Variants in MIA3 observed in about 807,000 individuals in gnomAD.
The protein encoded by MIA3 is MIA SH3 domain ER export factor 3.
In MIA3, 90 loss-of-function variants were observed where a neutral mutation model predicts 192.4. The observed-to-expected ratio is 0.47, with a 90% CI of 0.39 to 0.56. MIA3 has a LOEUF of 0.56. MIA3 is among the 20% of genes least tolerant of loss of function. The pLI is 0.00. For missense variants in MIA3, 2,123 were observed against 2,269.4 expected (o/e 0.94, Z 1.31); for synonymous variants, 740 against 792.8 (o/e 0.93, Z 1.12).
rs141793672 is a variant in MIA3, at chr1:222,653,022, C to T, written c.4101C>T (p.Ile1367=). 1.6e-4 allele frequency: 259 copies of T among 1,610,808 alleles called. No individual in the cohort carries two copies. In the African/African-American group the frequency reaches 2.8e-3, roughly 17 times the overall value. The part of the protein sequence containing the change: ...KKKKEQLQQE[I]EDWSKLHAEL... ...TAACTTTGCAGTTGCAGCAGGAAAT[C>T]GAAGACTGGAGTAAATTACATGCTG... The change falls in exon 14 of 28, where the codon ATC becomes ATT. Residue 1367 remains isoleucine, a synonymous_variant. Coordinates refer to ENST00000344922, the MANE Select transcript of MIA3 (RefSeq NM_198551.4).
intron 5 of MIA3, 34 bp downstream of exon 5, chr1:222,632,360 G>T (rs988011037): frequency 1.9e-6 from 3 of 1,583,824 alleles, no homozygotes. Context: ...ACAAAGTGGA[G>T]AAATCATAAA....
chr1:222,629,249 C>T lies in MIA3; in HGVS notation c.2029C>T (p.Leu677Phe), dbSNP rs201082582. 1.3e-5 allele frequency: 21 copies of T among 1,614,206 alleles called. No homozygotes were observed. Among genetic ancestry groups the T allele is most frequent in the Non-Finnish European group, 1.8e-5 (21 of 1,180,036 alleles). The change falls in exon 4 of 28, where the codon CTC (leucine) becomes TTC (phenylalanine). Residue 677 changes from leucine (L) to phenylalanine (F), a missense_variant. This residue lies in a region of MIA3 where 1,357 missense variants were observed against 1,396.1 expected (regional missense o/e 0.97). Transcript: ENST00000344922. ...ASKQMSEKIR[L>F]SEGEAKEDSL... ...TAAGCAAATGAGTGAGAAGATAAGGCTCTCTGAGGGAGAAGCCAAAGAGGA... is the reference window on the plus strand; with the variant it reads ...TAAGCAAATGAGTGAGAAGATAAGGTTCTCTGAGGGAGAAGCCAAAGAGGA...
Position 222,643,847 on chromosome 1 carries a change from C to A in MIA3, c.3478-1707C>A, listed in dbSNP as rs1265871451. Among the ~76,000 whole-genome samples the A allele has an allele frequency of 2.6e-5, 4 of 152,260 alleles. No individual in the cohort carries two copies. The East Asian group carries it at 7.7e-4, about 29-fold the overall frequency. On this transcript the variant is annotated intron_variant, in intron 6 of 27. Transcript: ENST00000344922. ...ATGGGGGTGACACGATGACATGACT[C>A]CTGGGTAAGACTTTTTAATAGAGTG...
At chr1:222,636,750 G>A (rs925947594) in intron 6 of MIA3, among the ~76,000 whole-genome samples, 1 of 152,128 alleles carries the variant, frequency 6.6e-6, no homozygotes, top group Admixed American at 6.5e-5. Flanking sequence ...CTGACCTCGT[G>A]ATCCACCGGC....
At position 222,641,444 on chromosome 1, in the gene MIA3, C is replaced by CA. The variant is rs1425331636; in HGVS notation, c.3478-4109dup. The stretch of plus-strand genomic sequence containing the variant: ...TCTTAGCAGTAGCCTGAGCTGCCCC[C>CA]AGGGCTCTGGGCTGCTGAATCGTCT... On this transcript the variant is annotated intron_variant, in intron 6 of 27. Transcript: ENST00000344922. 1.2e-5 allele frequency: 6 copies of CA among 496,712 alleles called. No individual in the cohort carries two copies. In the Admixed American group the frequency reaches 1.3e-4, roughly 10 times the overall value. 30.8% of individuals were successfully genotyped at this position (496,712 alleles called of 1,614,324 possible). A position where few individuals can be genotyped will look rare whatever the true frequency, so the allele number is the denominator to read the frequency against.
intron 1 of MIA3, among the ~76,000 whole-genome samples, chr1:222,618,555 G>A (rs1423249190): frequency 6.6e-6 from 1 of 152,172 alleles, no homozygotes; most frequent in African/African-American, 2.4e-5. Flanking sequence ...GGTGGTCCCC[G>A]GCTTCCCCAA....
chr1:222,619,303 T>C lies in MIA3; in HGVS notation c.133+1060T>C, dbSNP rs1458216543. 3.3e-5 allele frequency among the ~76,000 whole-genome samples: 5 copies of C among 152,232 alleles called. No homozygotes were observed. The East Asian group carries it at 5.8e-4, about 18-fold the overall frequency. ...CCGTCTCAACCTTGTAACTTACTGA[T>C]AGCCACTGCAGAAACGGTTTTTCAT... On this transcript the variant is annotated intron_variant, in intron 1 of 27. Transcript: ENST00000344922.
At chr1:222,660,369 AT>A in intron 24 of MIA3, 55 bp downstream of exon 24, 1 of 1,546,152 alleles carries the variant, frequency 6.5e-7, no homozygotes, top group Non-Finnish European at 8.7e-7. Context: ...TTTCCCTTTT[AT>A]TTGAGAATTC....
At position 222,651,962 on chromosome 1, in the gene MIA3, G is replaced by C. The variant is rs1365600395; in HGVS notation, c.3910-15G>C. On this transcript the variant is annotated splice_polypyrimidine_tract_variant and intron_variant, in intron 11 of 27. Transcript: ENST00000344922. ...AATCCTAATATGCATTTTGTGTTCT[G>C]TTTTTACATGGCAGATATCAGAAAA... 1 of 1,439,818 alleles carries C rather than the reference G, an allele frequency of 6.9e-7. No homozygotes were observed. The highest frequency in any genetic ancestry group is 1.4e-5 in the African/African-American group (1 of 71,382). 89.2% of individuals were successfully genotyped at this position (1,439,818 alleles called of 1,614,324 possible).
At chr1:222,626,975 C>A (rs1662147247) in intron 3 of MIA3, among the ~76,000 whole-genome samples, 1 of 152,136 alleles carries the variant, frequency 6.6e-6, no homozygotes, top group African/African-American at 2.4e-5. Context: ...GGTGAATTCC[C>A]AGAACATCAG....
rs3002150 is a variant in MIA3, at chr1:222,652,061, G to A, written c.3981+13G>A. 1,405,349 of 1,462,740 alleles carry A rather than the reference G, an allele frequency of 0.96. 675,650 individuals are homozygous for A. Among genetic ancestry groups the A allele is most frequent in the Admixed American group, 0.98 (58,495 of 59,468 alleles). The allele number at this position is 1,462,740 out of a possible 1,614,324, so 90.6% of individuals were successfully genotyped here. A position where few individuals can be genotyped will look rare whatever the true frequency, so the allele number is the denominator to read the frequency against. Reference sequence around the variant, plus strand: ...AGAATTTTCAGAGGTAAAGCTGACTGTAATTCCTGCAGGATATTAATACTA... The same window carrying A: ...AGAATTTTCAGAGGTAAAGCTGACTATAATTCCTGCAGGATATTAATACTA... On this transcript the variant is annotated intron_variant, in intron 12 of 27. Coordinates refer to ENST00000344922, the MANE Select transcript of MIA3 (RefSeq NM_198551.4).
In MIA3 at chr1:222,628,367, TG is replaced by T. The variant is rs1242490454; in HGVS notation, c.1153del (p.Asp385ThrfsTer19). ...KNDDKNILTT[W>X]GDTIFSIVTG... ...TGATGATAAAAATATACTAACAACC[TG>T]GGGGGACACTATCTTCTCTATTGTC... On this transcript the variant is annotated frameshift_variant, in exon 4 of 28. Coordinates refer to ENST00000344922, the MANE Select transcript of MIA3 (RefSeq NM_198551.4). LOFTEE classifies it high-confidence loss of function. 2.5e-6 allele frequency: 4 copies of T among 1,613,828 alleles called. No individual in the cohort carries two copies. Among genetic ancestry groups the T allele is most frequent in the Non-Finnish European group, 3.4e-6 (4 of 1,179,924 alleles).
At chr1:222,645,215 C>A (rs539876191) in intron 6 of MIA3, among the ~76,000 whole-genome samples, 13 of 152,152 alleles carry the variant, frequency 8.5e-5, no homozygotes, top group African/African-American at 2.9e-4. Flanking sequence ...GTTTTTTAAG[C>A]AATAAAAACC....
chr1:222,627,890 C>G lies in MIA3; in HGVS notation c.670C>G (p.Gln224Glu). ...CCAAGCAAATCATGCTCAGGGAGAG[C>G]AGGCTTCATTTGAATCTTTTGAAGA... is the stretch of plus-strand genomic sequence containing the variant. Reference protein sequence around the residue: ...NSQANHAQGEQASFESFEEML... With the variant: ...NSQANHAQGEEASFESFEEML... The change falls in exon 4 of 28, where the codon CAG becomes GAG. Residue 224 changes from glutamine (Q) to glutamate (E), a missense_variant. Gln to Glu is a conservative substitution (Grantham distance 29, BLOSUM62 2). Coordinates refer to ENST00000344922, the MANE Select transcript of MIA3 (RefSeq NM_198551.4). 1 of 1,614,020 alleles carries G rather than the reference C, an allele frequency of 6.2e-7. No homozygotes were observed. The highest frequency in any genetic ancestry group is 1.1e-5 in the South Asian group (1 of 91,086).
chr1:222,638,065 A>G (rs35700460), intron 6 of MIA3, among the ~76,000 whole-genome samples: 87,117 of 151,986 alleles, frequency 0.57, 27,950 homozygotes, highest in Non-Finnish European at 0.72. Context: ...TAGGAAGTCA[A>G]TAAGGATCTA....
At chr1:222,651,434 C>T (rs1663429061) in intron 11 of MIA3, among the ~76,000 whole-genome samples, 1 of 151,336 alleles carries the variant, frequency 6.6e-6, no homozygotes, top group Admixed American at 6.6e-5. Context: ...GTTACTATCG[C>T]AGCCCACAGT....
intron 6 of MIA3, among the ~76,000 whole-genome samples, chr1:222,640,577 T>C (rs1238382057): frequency 6.6e-6 from 1 of 152,102 alleles, no homozygotes; most frequent in African/African-American, 2.4e-5. Context: ...AAAAAATTGA[T>C]CCATACCTCA....
At chr1:222,661,295 G>A (rs1258599787) in intron 24 of MIA3, 1 of 152,322 alleles carries the variant, frequency 6.6e-6, no homozygotes, top group Non-Finnish European at 1.5e-5. Context: ...ATAGTTTGGA[G>A]TGTGCAGCAG....
chr1:222,663,338 G>A (rs999718909), intron 26 of MIA3, among the ~76,000 whole-genome samples: 2 of 152,110 alleles, frequency 1.3e-5, no homozygotes, highest in East Asian at 1.9e-4. Flanking sequence ...AGGAGACTTC[G>A]AAGAGTGTAG....
Sources: allele counts gnomAD v4.1 joint callset (sites outside exome capture counted in the v4.1 genomes callset), GRCh38; gene constraint gnomAD v4.1.1; regional missense constraint gnomAD v4.1.1; transcripts MANE v1.5; gene names NCBI Gene and HGNC (gene_info 2026-07-23, HGNC 2026-07-21).